The following PCF11 variants were observed in gnomAD, a reference collection of about 807,000 sequenced individuals.
PCF11 encodes pre-mRNA cleavage complex 2 protein Pcf11.
In PCF11, 19 loss-of-function variants were observed where a neutral mutation model predicts 166.1. The observed-to-expected ratio is 0.11, with a 90% CI of 0.08 to 0.17. The LOEUF is 0.17. Among genes scored for constraint, PCF11 ranks in the 10% least tolerant of loss-of-function variants. The pLI is 1.00. For missense variants in PCF11, 1,565 were observed against 1,855.5 expected (o/e 0.84, Z 2.88); for synonymous variants, 663 against 644.1 (o/e 1.03, Z -0.44).
At chr11:83,180,982 TA>T in intron 11 of PCF11, 25 bp from the exon 12 acceptor site, 1 of 1,382,542 alleles carries the variant, frequency 7.2e-7, no homozygotes. Context: ...TTATCAACAC[TA>T]AAGATTATTT....
exon 8 of PCF11, chr11:83,168,712 G>C: frequency 6.2e-7 from 1 of 1,613,934 alleles, no homozygotes; most frequent in South Asian, 1.1e-5. Context: ...TCGGTTTGAT[G>C]GGTCACCAGG....
At chr11:83,169,984 G>C (rs751936881) in exon 8 of PCF11, 1 of 1,585,244 alleles carries the variant, frequency 6.3e-7, no homozygotes, top group South Asian at 1.2e-5. Context: ...AAATATTCAG[G>C]CATCTCAACA....
At chr11:83,179,651 C>T (rs1455644924) in intron 11 of PCF11, among the ~76,000 whole-genome samples, 1 of 152,090 alleles carries the variant, frequency 6.6e-6, no homozygotes, top group Non-Finnish European at 1.5e-5. Context: ...TGCCTGTAAT[C>T]CCAGCACTTT....
intron 9 of PCF11, 85 bp from the exon 10 acceptor site, chr11:83,176,999 TG>T (rs1860907461): frequency 2.0e-6 from 2 of 987,908 alleles, no homozygotes. Context: ...AAGAAAACTT[TG>T]AAAAATGCTT....
chr11:83,182,567 G>A, intron 14 of PCF11, 76 bp downstream of exon 14: 1 of 737,340 alleles, frequency 1.4e-6, no homozygotes, highest in Admixed American at 2.5e-5. Flanking sequence ...TTTGAAAGGA[G>A]GCGGTTCATA....
At chr11:83,168,390 A>G in intron 7 of PCF11, 38 bp from the exon 8 acceptor site, 2 of 1,501,256 alleles carry the variant, frequency 1.3e-6, no homozygotes, top group African/African-American at 1.4e-5. Context: ...AGATTTTAAG[A>G]TAACTTTAGT....
intron 4 of PCF11, 67 bp from the exon 5 acceptor site, chr11:83,165,530 AGTT>A (rs1020896200): frequency 3.9e-5 from 45 of 1,146,042 alleles, no homozygotes; most frequent in Non-Finnish European, 5.5e-5. Flanking sequence ...TATCTTCTTC[AGTT>A]GTTTGCAATT....
chr11:83,184,809 T>C lies in PCF11; in HGVS notation c.4583T>C (p.Ile1528Thr), dbSNP rs751753654. 69 of 1,607,176 alleles carry C rather than the reference T, an allele frequency of 4.3e-5. No individual in the cohort carries two copies. In the Admixed American group the frequency reaches 1.2e-3, roughly 27 times the overall value. Residue 1528 changes from isoleucine to threonine, a missense_variant, in exon 16 of 16, where the codon ATT becomes ACT. This residue lies in a region of PCF11 where 99 missense variants were observed against 89.1 expected (regional missense o/e 1.11). Coordinates refer to ENST00000298281, the Ensembl canonical transcript of PCF11. ...AGTCCCAAAGTTAAGGAAGAACGAA[T>C]TGATACACCACCAGCTTGTACAGAG...
Position 83,157,197 on chromosome 11 carries a change from G to A in PCF11, c.-243G>A. On this transcript the variant is annotated 5_prime_UTR_variant, in exon 1 of 16. The change creates a new upstream start codon in the 5' untranslated region. Coordinates refer to ENST00000298281, the Ensembl canonical transcript of PCF11. ...GAGCCGCCACTGCCGCCGCCATTTT[G>A]TGTCTGTGGAGAAAGAAGCTTCTGT... 6.9e-6 allele frequency: 4 copies of A among 579,846 alleles called. No individual in the cohort carries two copies. The highest frequency in any genetic ancestry group is 1.9e-5 in the African/African-American group (1 of 53,592). The allele number at this position is 579,846 out of a possible 1,614,324, so 35.9% of individuals were successfully genotyped here. A position where few individuals can be genotyped will look rare whatever the true frequency, so the allele number is the denominator to read the frequency against.
At chr11:83,169,903 T>G (rs768445206) in exon 8 of PCF11, 1 of 1,611,788 alleles carries the variant, frequency 6.2e-7, no homozygotes, top group Non-Finnish European at 8.5e-7. Flanking sequence ...TGGACACTAT[T>G]TTGATGAAAA....
intron 11 of PCF11, among the ~76,000 whole-genome samples, chr11:83,179,888 ATC>A (rs1285896664): frequency 6.6e-6 from 1 of 151,868 alleles, no homozygotes; most frequent in Non-Finnish European, 1.5e-5. Context: ...ACTGCACTGC[ATC>A]CTGGGTGACA....
At chr11:83,181,983 C>G in exon 13 of PCF11, 1 of 1,611,674 alleles carries the variant, frequency 6.2e-7, no homozygotes, top group Non-Finnish European at 8.5e-7. Flanking sequence ...CCAAAGTGTA[C>G]CTGCTGGACC....
exon 1 of PCF11, chr11:83,157,481 C>A: frequency 6.2e-7 from 1 of 1,613,126 alleles, no homozygotes; most frequent in Non-Finnish European, 8.5e-7. Context: ...CTGCGGGGGC[C>A]CGGGAGGACG....
intron 15 of PCF11, 31 bp from the exon 16 acceptor site, chr11:83,184,648 A>G: frequency 6.8e-7 from 1 of 1,465,552 alleles, no homozygotes; most frequent in Non-Finnish European, 9.5e-7. Flanking sequence ...TTGAACTTTC[A>G]TCAGTACTCA....
In PCF11 at chr11:83,166,685, A is replaced by G. The variant is rs761491354; in HGVS notation, c.1788A>G (p.Arg596=). 14 of 1,600,496 alleles carry G rather than the reference A, an allele frequency of 8.7e-6. No individual in the cohort carries two copies. The Admixed American group carries it at 2.1e-4, about 24-fold the overall frequency. ...GGCAAAGTTCCAAGTCTGCCAAAAGATGGAAATCTGGTTGGGAAGAAAATA... is the reference window on the plus strand; with the variant it reads ...GGCAAAGTTCCAAGTCTGCCAAAAGGTGGAAATCTGGTTGGGAAGAAAATA... The change falls in exon 5 of 16, where the codon AGA becomes AGG. Residue 596 remains arginine, a synonymous_variant. Coordinates refer to ENST00000298281, the Ensembl canonical transcript of PCF11.
At chr11:83,180,867 T>C in intron 11 of PCF11, 141 bp from the exon 12 acceptor site, 2 of 516,340 alleles carry the variant, frequency 3.9e-6, no homozygotes, top group Non-Finnish European at 7.0e-6. Context: ...AGAATAATAC[T>C]GATCTTTGGG....
intron 11 of PCF11, among the ~76,000 whole-genome samples, chr11:83,178,838 A>T (rs917289914): frequency 6.6e-6 from 1 of 152,012 alleles, no homozygotes; most frequent in Non-Finnish European, 1.5e-5. Flanking sequence ...TCTATTTTTC[A>T]TTTTATAAGT....
chr11:83,173,041 A>G (rs912710252), intron 9 of PCF11, among the ~76,000 whole-genome samples: 2 of 152,222 alleles, frequency 1.3e-5, no homozygotes, highest in Non-Finnish European at 2.9e-5. Flanking sequence ...TAATGAAAAG[A>G]GAAGGAAAGA....
exon 5 of PCF11, chr11:83,165,918 T>A (rs750543654): frequency 6.2e-7 from 1 of 1,608,338 alleles, no homozygotes; most frequent in South Asian, 1.1e-5. Context: ...ACTAAATTCA[T>A]CCAAGCAAGA....
Sources: allele counts gnomAD v4.1 joint callset (sites outside exome capture counted in the v4.1 genomes callset), GRCh38; gene constraint gnomAD v4.1.1; regional missense constraint gnomAD v4.1.1; transcripts MANE v1.5; gene names NCBI Gene and HGNC (gene_info 2026-07-23, HGNC 2026-07-21).